Variants in OLFM2 observed in about 807,000 individuals in gnomAD.
OLFM2 encodes noelin-2.
In OLFM2, 20 loss-of-function variants were observed where a neutral mutation model predicts 43.9. The ratio of observed to expected loss-of-function variants is 0.46; its 90% CI spans 0.32 to 0.66. OLFM2 has a LOEUF of 0.66. Among genes scored for constraint, OLFM2 ranks in the 30% least tolerant of loss-of-function variants. The pLI is 0.04. For synonymous variants in OLFM2, 268 were observed against 278.6 expected, an observed-to-expected ratio of 0.96 and a Z score of 0.38; for missense variants, 416 against 643.6, an observed-to-expected ratio of 0.65 and a Z score of 3.83.
At chr19:9,861,121 A>T (rs1338063269) in intron 1 of OLFM2, among the ~76,000 whole-genome samples, 11 of 112,912 alleles carry the variant, frequency 9.7e-5, no homozygotes, top group Non-Finnish European at 1.9e-4. Context: ...CCACTCAAAT[A>T]ACCCCCAAAC....
At chr19:9,858,155 G>A (rs1304455689) in intron 2 of OLFM2, 6 of 493,372 alleles carry the variant, frequency 1.2e-5, no homozygotes, top group African/African-American at 2.0e-5. Context: ...CTACACAGCA[G>A]ACAGAAGGAA....
chr19:9,862,837 T>C (rs2046373878), intron 1 of OLFM2, among the ~76,000 whole-genome samples: 1 of 151,914 alleles, frequency 6.6e-6, no homozygotes, highest in Non-Finnish European at 1.5e-5. Flanking sequence ...TAGCCGGGCA[T>C]GGTGATGTGC....
At chr19:9,928,614 G>A (rs950453081) in intron 1 of OLFM2, among the ~76,000 whole-genome samples, 1 of 152,098 alleles carries the variant, frequency 6.6e-6, no homozygotes, top group Non-Finnish European at 1.5e-5. Context: ...AGACCAGCCT[G>A]GGCAACATGG....
intron 1 of OLFM2, among the ~76,000 whole-genome samples, chr19:9,906,303 GT>G (rs113167904): frequency 0.041 from 6,235 of 152,212 alleles, 421 homozygotes; most frequent in African/African-American, 0.14. Context: ...GGCACACAGG[GT>G]GGGGGAGAGG....
chr19:9,919,969 ATTT>A (rs572250241), intron 1 of OLFM2, among the ~76,000 whole-genome samples: 3 of 130,912 alleles, frequency 2.3e-5, no homozygotes, highest in Non-Finnish European at 3.3e-5. Flanking sequence ...TAATTTTTGT[ATTT>A]TTTTTTTTTT....
intron 1 of OLFM2, among the ~76,000 whole-genome samples, chr19:9,871,258 G>C (rs1467729165): frequency 3.0e-5 from 4 of 133,818 alleles, no homozygotes; most frequent in African/African-American, 1.2e-4. Context: ...GCAACAAAGC[G>C]AGATCCTGTC....
chr19:9,922,963 C>T (rs373607633), intron 1 of OLFM2, among the ~76,000 whole-genome samples: 12 of 150,572 alleles, frequency 8.0e-5, no homozygotes, highest in Admixed American at 2.6e-4. Flanking sequence ...AGAAAGACAA[C>T]ACCAAGTGTT....
chr19:9,907,097 G>A (rs1302886197), intron 1 of OLFM2, among the ~76,000 whole-genome samples: 3 of 152,136 alleles, frequency 2.0e-5, no homozygotes, highest in Non-Finnish European at 4.4e-5. Context: ...TCAACACTTG[G>A]CCCCATCACC....
intron 2 of OLFM2, among the ~76,000 whole-genome samples, chr19:9,859,489 G>A (rs942814499): frequency 6.6e-6 from 1 of 151,950 alleles, no homozygotes; most frequent in Non-Finnish European, 1.5e-5. Flanking sequence ...GCTAATTTTT[G>A]TATTTTTGGT....
At position 9,859,186 on chromosome 19, in the gene OLFM2, C is replaced by T. The variant is rs978381211; in HGVS notation, c.214-1325G>A. Among the ~76,000 whole-genome samples, 13 of 152,336 alleles carry T rather than the reference C, an allele frequency of 8.5e-5. No individual in the cohort carries two copies. The South Asian group carries it at 1.0e-3, about 12-fold the overall frequency. ...TCAGCAGCCTAATACCCACCCTGAA[C>T]GCCACAAAACATTTTTACATACTCT... On this transcript the variant is annotated intron_variant, in intron 2 of 5. Transcript: ENST00000264833.
chr19:9,924,471 C>T (rs2086440196), intron 1 of OLFM2, among the ~76,000 whole-genome samples: 1 of 150,300 alleles, frequency 6.7e-6, no homozygotes, highest in Admixed American at 6.6e-5. Flanking sequence ...GTCGCCCAGG[C>T]TGGTCTCGAA....
At chr19:9,886,722 TTCTTTTTC>T (rs2046590467) in intron 1 of OLFM2, among the ~76,000 whole-genome samples, 1 of 139,820 alleles carries the variant, frequency 7.2e-6, no homozygotes, top group Admixed American at 7.1e-5. Context: ...TTCATCTCGT[TTCTTTTTC>T]TTTCTTTCTT....
rs527283084 is a variant in OLFM2, at chr19:9,902,328, G to A, written c.63+33976C>T. On this transcript the variant is annotated intron_variant, in intron 1 of 5. Coordinates refer to ENST00000264833, the MANE Select transcript of OLFM2 (RefSeq NM_058164.4). ...CAGGCGTGAGCCACTGCGCCCAGCC[G>A]ACTCTATATTGATATTGAGGACACT... 1.7e-4 allele frequency among the ~76,000 whole-genome samples: 26 copies of A among 150,864 alleles called. No homozygotes were observed. In the South Asian group the frequency reaches 3.2e-3, roughly 18 times the overall value.
rs543487230 is a variant in OLFM2, at chr19:9,914,513, CACGACT to C, written c.63+21785_63+21790del. Among the ~76,000 whole-genome samples, 977 of 152,024 alleles carry C rather than the reference CACGACT, an allele frequency of 6.4e-3. 12 individuals are homozygous for C. Among genetic ancestry groups the C allele is most frequent in the African/African-American group, 0.023 (939 of 41,484 alleles). On this transcript the variant is annotated intron_variant, in intron 1 of 5. Transcript: ENST00000264833. Reference sequence around the variant, plus strand: ...TCACTTCGGCCACGGGAGGAGTTCCCACGACTACCAAGGGCAGTTTCCTACCCAGGG... The same window carrying C: ...TCACTTCGGCCACGGGAGGAGTTCCCACCAAGGGCAGTTTCCTACCCAGGG...
rs753225779 is a variant in OLFM2, at chr19:9,854,229, T to C, written c.1322A>G (p.Asn441Ser). 2 of 1,613,874 alleles carry C rather than the reference T, an allele frequency of 1.2e-6. No individual in the cohort carries two copies. Among genetic ancestry groups the C allele is most frequent in the Non-Finnish European group, 1.7e-6 (2 of 1,179,956 alleles). ...TWNNGHQVLY[N>S]VTLFHVISTS... Reference sequence around the variant, plus strand: ...GCTGATGACGTGAAACAGGGTGACATTGTAGAGCACCTGGTGGCCGTTGTT... The same window carrying C: ...GCTGATGACGTGAAACAGGGTGACACTGTAGAGCACCTGGTGGCCGTTGTT... Residue 441 changes from asparagine to serine, a missense_variant, in exon 6 of 6, where the codon AAT becomes AGT. By Grantham distance (46) the Asn-to-Ser change is conservative (BLOSUM62 1). Transcript: ENST00000264833. This position sits in a 1 kb window ranked among gnomAD's most constrained non-coding sequence, Gnocchi z 9.5.
intron 1 of OLFM2, among the ~76,000 whole-genome samples, chr19:9,935,890 T>C (rs2086511654): frequency 1.3e-5 from 2 of 151,920 alleles, no homozygotes; most frequent in Non-Finnish European, 2.9e-5. Flanking sequence ...TGCCCCACAC[T>C]GGGGGCTGCA....
chr19:9,917,562 C>T lies in OLFM2; in HGVS notation c.63+18742G>A, dbSNP rs977800418. On this transcript the variant is annotated intron_variant, in intron 1 of 5. Transcript: ENST00000264833. ...GGTGGAGGGTGTTTTCTGACAGTGGCTACACCTCCTCCATAGTGCCAGTTC... is the reference window on the plus strand; with the variant it reads ...GGTGGAGGGTGTTTTCTGACAGTGGTTACACCTCCTCCATAGTGCCAGTTC... Among the ~76,000 whole-genome samples the T allele has an allele frequency of 3.3e-5, 5 of 152,064 alleles. No individual in the cohort carries two copies. The South Asian group carries it at 8.3e-4, about 25-fold the overall frequency.
chr19:9,875,488 G>T (rs1378676630), intron 1 of OLFM2, among the ~76,000 whole-genome samples: 1 of 150,648 alleles, frequency 6.6e-6, no homozygotes. Flanking sequence ...GCAGGGGCCT[G>T]GCCGGGGATG....
chr19:9,915,839 G>GA (rs1428878248), intron 1 of OLFM2, among the ~76,000 whole-genome samples: 1 of 152,184 alleles, frequency 6.6e-6, no homozygotes, highest in South Asian at 2.1e-4. Flanking sequence ...TTTAAGCAGA[G>GA]ACCTGAAGTG....
Sources: gnomAD v4.1 joint callset for allele counts (sites outside exome capture counted in the v4.1 genomes callset) on GRCh38, gnomAD v4.1.1 for gene constraint, Gnocchi (gnomAD v3.1) non-coding constraint, MANE v1.5 for transcripts, NCBI Gene and HGNC (gene_info 2026-07-23, HGNC 2026-07-21) for gene names.